NXN: variants seen among roughly 807,000 people sequenced by gnomAD.
NXN encodes the protein nucleoredoxin.
Under a neutral mutation model 48.6 loss-of-function variants are expected in NXN, and 16 were observed. The ratio of observed to expected loss-of-function variants is 0.33; its 90% CI spans 0.22 to 0.50. The LOEUF (loss-of-function observed/expected upper bound fraction) is 0.50. NXN is among the 20% of genes least tolerant of loss of function. NXN has a pLI of 0.98. For missense variants in NXN, 492 were observed against 605.5 expected (o/e 0.81, Z 1.97); for synonymous variants, 281 against 269.6 (o/e 1.04, Z -0.41).
chr17:935,670 A>C (rs77879489), intron 1 of NXN, among the ~76,000 whole-genome samples: 3,078 of 152,226 alleles, frequency 0.02, 112 homozygotes, highest in African/African-American at 0.07. Flanking sequence ...TCACAGAAGG[A>C]GCTTGCTCTG....
chr17:826,550 T>C (rs560689716), intron 1 of NXN, among the ~76,000 whole-genome samples: 2 of 152,334 alleles, frequency 1.3e-5, no homozygotes, highest in South Asian at 4.1e-4. Context: ...GGGAAGGTTT[T>C]CACGAGAGCC....
chr17:808,511 T>A (rs1911716215), intron 5 of NXN, among the ~76,000 whole-genome samples: 1 of 151,882 alleles, frequency 6.6e-6, no homozygotes, highest in African/African-American at 2.4e-5. Flanking sequence ...GCCAGGATGG[T>A]CTCGAACTCC....
intron 4 of NXN, 63 bp downstream of exon 4, chr17:822,294 A>G: frequency 1.6e-6 from 2 of 1,230,930 alleles, no homozygotes; most frequent in Non-Finnish European, 2.4e-6. Flanking sequence ...AAAAAAGAAA[A>G]GAAAAAAAAT....
chr17:914,375 G>T (rs995606771), intron 1 of NXN, among the ~76,000 whole-genome samples: 2 of 152,058 alleles, frequency 1.3e-5, no homozygotes, highest in Admixed American at 6.6e-5. Context: ...TTACCGTGTT[G>T]GCCAGGCTGG....
chr17:803,652 C>T (rs1047649998), intron 7 of NXN, 30 bp downstream of exon 7: 2 of 1,613,696 alleles, frequency 1.2e-6, no homozygotes, highest in Non-Finnish European at 8.5e-7. Context: ...GCTGAGCCAG[C>T]CCTGGGCCAA....
intron 1 of NXN, among the ~76,000 whole-genome samples, chr17:911,840 A>C (rs148880495): frequency 1.1e-3 from 170 of 152,018 alleles, no homozygotes; most frequent in African/African-American, 3.9e-3. Context: ...TATGCACATA[A>C]AACATTTCAC....
chr17:841,628 A>G (rs62067131), intron 1 of NXN, among the ~76,000 whole-genome samples: 14,356 of 21,936 alleles, frequency 0.65, 3,853 homozygotes, highest in African/African-American at 0.73. Flanking sequence ...TCACACGGGC[A>G]AGCAGGTCCA....
intron 1 of NXN, among the ~76,000 whole-genome samples, chr17:960,946 G>C (rs895400669): frequency 6.6e-6 from 1 of 151,742 alleles, no homozygotes; most frequent in African/African-American, 2.4e-5. Flanking sequence ...CACCACGCCC[G>C]GCTAATTTTT....
Position 849,177 on chromosome 17 carries a change from A to C in NXN, c.361-23099T>G, listed in dbSNP as rs2067896965. On this transcript the variant is annotated intron_variant, in intron 1 of 7. Coordinates refer to ENST00000336868, the MANE Select transcript of NXN (RefSeq NM_022463.5). The surrounding 1 kb of genome is among the most constrained non-coding windows in gnomAD (Gnocchi z 4.2). ...CATGGTGGGTGTGCACGCTTGATCT[A>C]AGACCAATCACGCTCTCTCCTGGAA... 6.6e-6 allele frequency among the ~76,000 whole-genome samples: 1 copy of C among 152,106 alleles called. No homozygotes were observed. Among genetic ancestry groups the C allele is most frequent in the African/African-American group, 2.4e-5 (1 of 41,430 alleles).
intron 5 of NXN, among the ~76,000 whole-genome samples, chr17:812,184 C>A (rs971919026): frequency 5.9e-5 from 9 of 151,950 alleles, no homozygotes; most frequent in Admixed American, 2.0e-4. Flanking sequence ...GCCTCGGCCT[C>A]CCAAAGTGCT....
intron 1 of NXN, among the ~76,000 whole-genome samples, chr17:959,760 C>G (rs1319682421): frequency 6.8e-6 from 1 of 148,072 alleles, no homozygotes; most frequent in Non-Finnish European, 1.5e-5. Flanking sequence ...CGCCACCACA[C>G]TCCAGCCTGG....
chr17:829,718 A>C (rs987199468), intron 1 of NXN, among the ~76,000 whole-genome samples: 2 of 151,966 alleles, frequency 1.3e-5, no homozygotes, highest in African/African-American at 4.8e-5. Context: ...GAGAACATGC[A>C]GTGTTTGGTT....
In NXN at chr17:892,715, C is replaced by T. The variant is rs150909650; in HGVS notation, c.361-66637G>A. ...TGTCCCAGGAAATGCCAGTAATGCC[C>T]GCTTAGTGACAATCGAAAATGGTTC... On this transcript the variant is annotated intron_variant, in intron 1 of 7. Transcript: ENST00000336868. Among the ~76,000 whole-genome samples, 489 of 152,312 alleles carry T rather than the reference C, an allele frequency of 3.2e-3. 3 individuals are homozygous for T. Among genetic ancestry groups the T allele is most frequent in the African/African-American group, 0.01 (430 of 41,562 alleles).
chr17:952,822 G>C, intron 1 of NXN, among the ~76,000 whole-genome samples: 1 of 146,004 alleles, frequency 6.8e-6, no homozygotes, highest in Non-Finnish European at 1.5e-5. Flanking sequence ...CTGTGGGGGG[G>C]CTGGAGTCAG....
intron 1 of NXN, among the ~76,000 whole-genome samples, chr17:836,162 G>C (rs12602866): frequency 0.014 from 2,087 of 149,614 alleles, 46 homozygotes; most frequent in East Asian, 0.029. Flanking sequence ...CCCCCACAGA[G>C]GCCGCAGGGA....
At chr17:842,443 C>G (rs1016481870) in intron 1 of NXN, 9 of 891,056 alleles carry the variant, frequency 1.0e-5, no homozygotes, top group African/African-American at 7.3e-5. Flanking sequence ...GCTGCAGTTC[C>G]GTGATCCCGG....
chr17:924,564 C>T (rs2144959106), intron 1 of NXN, among the ~76,000 whole-genome samples: 1 of 152,322 alleles, frequency 6.6e-6, no homozygotes, highest in South Asian at 2.1e-4. Flanking sequence ...TGTGATAGAA[C>T]ATACATAACA....
intron 1 of NXN, among the ~76,000 whole-genome samples, chr17:865,305 C>T (rs922285891): frequency 2.6e-5 from 4 of 151,874 alleles, no homozygotes; most frequent in African/African-American, 7.3e-5. Flanking sequence ...TGCAATGGCA[C>T]GATCTTGGCT....
At chr17:823,292 T>G (rs55675223) in intron 3 of NXN, among the ~76,000 whole-genome samples, 25,097 of 150,606 alleles carry the variant, frequency 0.17, 2,117 homozygotes, top group Non-Finnish European at 0.17. Context: ...CCAGCTACTC[T>G]GGAGGCTGAG....
Sources: allele counts gnomAD v4.1 joint callset (sites outside exome capture counted in the v4.1 genomes callset), GRCh38; gene constraint gnomAD v4.1.1; non-coding constraint Gnocchi (gnomAD v3.1); transcripts MANE v1.5; gene names NCBI Gene and HGNC (gene_info 2026-07-23, HGNC 2026-07-21).